Variants in ECT2 observed in about 807,000 individuals in gnomAD.
ECT2 encodes protein ECT2.
In ECT2, 61 loss-of-function variants were observed where a neutral mutation model predicts 116.9. That is an observed-to-expected ratio of 0.52 (90% CI 0.42 to 0.65). The LOEUF (loss-of-function observed/expected upper bound fraction) is 0.65, where lower values mean the gene tolerates loss of function less well. ECT2 is among the 30% of genes least tolerant of loss of function. ECT2 has a pLI of 0.00. For synonymous variants in ECT2, 358 were observed against 346.4 expected, an observed-to-expected ratio of 1.03 and a Z score of -0.37; for missense variants, 937 against 1,078.7, an observed-to-expected ratio of 0.87 and a Z score of 1.84.
intron 12 of ECT2, among the ~76,000 whole-genome samples, chr3:172,768,173 G>A (rs894929635): frequency 2.6e-5 from 4 of 152,100 alleles, no homozygotes; most frequent in African/African-American, 9.7e-5. Flanking sequence ...TTGTGGGGGG[G>A]CTTCTTTTTG....
chr3:172,751,170 T>TGCC (rs1201531383), intron 1 of ECT2: 3 of 152,378 alleles, frequency 2.0e-5, no homozygotes, highest in Admixed American at 6.5e-5. Context: ...CGCAGCCCTG[T>TGCC]GGCTTTGGGG....
intron 18 of ECT2, among the ~76,000 whole-genome samples, chr3:172,788,919 A>G (rs1221557654): frequency 6.6e-6 from 1 of 151,866 alleles, no homozygotes; most frequent in Non-Finnish European, 1.5e-5. Context: ...TTAGCTGGGC[A>G]TGGTTGTGGG....
intron 12 of ECT2, among the ~76,000 whole-genome samples, chr3:172,765,497 C>T (rs909457967): frequency 1.3e-5 from 2 of 152,094 alleles, no homozygotes; most frequent in African/African-American, 4.8e-5. Context: ...ATATCTTAAA[C>T]CTAAGATAAC....
Position 172,755,498 on chromosome 3 carries a change from G to T in ECT2, c.226G>T (p.Glu76Ter). 6.7e-7 allele frequency: 1 copy of T among 1,503,684 alleles called. No individual in the cohort carries two copies. The highest frequency in any genetic ancestry group is 9.0e-7 in the Non-Finnish European group (1 of 1,115,548). The allele number at this position is 1,503,684 out of a possible 1,614,324, so 93.1% of individuals were successfully genotyped here. A position where few individuals can be genotyped will look rare whatever the true frequency, so the allele number is the denominator to read the frequency against. Residue 76 changes from glutamate (E) to a stop codon, truncating the protein, a stop_gained, in exon 4 of 25, where the codon GAA becomes TAA. Coordinates refer to ENST00000392692, the MANE Select transcript of ECT2 (RefSeq NM_001258315.2). LOFTEE classifies it high-confidence loss of function. ...IKALKTIKIM[E>*]VPVIKIKESC... ...TTTTCCACAGACTATTAAAATAATGGAAGTCCCTGTTATAAAGATAAAAGA... is the reference window on the plus strand; with the variant it reads ...TTTTCCACAGACTATTAAAATAATGTAAGTCCCTGTTATAAAGATAAAAGA...
At position 172,754,673 on chromosome 3, in the gene ECT2, C is replaced by T. The variant is rs764030791; in HGVS notation, c.130+13C>T. The T allele has an allele frequency of 1.3e-6, 2 of 1,580,402 alleles. No homozygotes were observed. The highest frequency in any genetic ancestry group is 2.7e-5 in the African/African-American group (2 of 73,162). On this transcript the variant is annotated intron_variant, in intron 2 of 24. Coordinates refer to ENST00000392692, the MANE Select transcript of ECT2 (RefSeq NM_001258315.2). ...TCATATGTAGAAGGTAAACCTGTTACCTGCTTTAAAACAATCAATTTCTAT... is the reference window on the plus strand; with the variant it reads ...TCATATGTAGAAGGTAAACCTGTTATCTGCTTTAAAACAATCAATTTCTAT...
rs1170546699 is a variant in ECT2 at position 172,819,743 on chromosome 3, A to G, written c.2656-405A>G. Among the ~76,000 whole-genome samples, 3 of 152,130 alleles carry G rather than the reference A, an allele frequency of 2.0e-5. No homozygotes were observed. In the East Asian group the frequency reaches 5.8e-4, roughly 29 times the overall value. Reference sequence around the variant, plus strand: ...ACTTAATTTTAGAAAATTATTTCCCATGAAGTGATTTCATTCCTTTTAATT... The same window carrying G: ...ACTTAATTTTAGAAAATTATTTCCCGTGAAGTGATTTCATTCCTTTTAATT... On this transcript the variant is annotated intron_variant, in intron 24 of 24. Transcript: ENST00000392692.
At chr3:172,822,549 G>C (rs766847470), downstream of ECT2, among the ~76,000 whole-genome samples, 2 of 151,836 alleles carry the variant, frequency 1.3e-5, no homozygotes, top group Non-Finnish European at 2.9e-5. Context: ...ACTCAGCCTA[G>C]TTGAAGGTAA....
chr3:172,828,964 A>G, the ECT2 span: 2 of 1,341,228 alleles, frequency 1.5e-6, no homozygotes, highest in Non-Finnish European at 2.1e-6. Context: ...CCTCAGCACC[A>G]ATAAATTGGT....
intron 13 of ECT2, among the ~76,000 whole-genome samples, chr3:172,773,548 TC>T (rs1424863840): frequency 6.6e-6 from 1 of 152,218 alleles, no homozygotes; most frequent in Non-Finnish European, 1.5e-5. Flanking sequence ...ATTAGATATG[TC>T]TGGAGGCAGC....
intron 14 of ECT2, among the ~76,000 whole-genome samples, chr3:172,776,191 G>GTTTTTTTTTT (rs1294531373): frequency 3.0e-4 from 32 of 106,986 alleles, no homozygotes; most frequent in African/African-American, 1.2e-3. Flanking sequence ...TAGTTTTTCA[G>GTTTTTTTTTT]TTTTTTCTTT....
At chr3:172,757,908 A>G (rs1236517176) in intron 5 of ECT2, among the ~76,000 whole-genome samples, 1 of 150,174 alleles carries the variant, frequency 6.7e-6, no homozygotes, top group East Asian at 2.1e-4. Context: ...TTTATTTAAT[A>G]AATAAATACA....
At chr3:172,794,801 G>A (rs140079852) in intron 18 of ECT2, among the ~76,000 whole-genome samples, 1,860 of 152,132 alleles carry the variant, frequency 0.012, 29 homozygotes, top group African/African-American at 0.041. Context: ...TGCAATCTCC[G>A]CCTCCCGGGT....
At chr3:172,761,819 A>G in intron 8 of ECT2, 136 bp downstream of exon 8, 1 of 475,902 alleles carries the variant, frequency 2.1e-6, no homozygotes. Context: ...AATAAAATCT[A>G]GGGAGAACAA....
intron 14 of ECT2, among the ~76,000 whole-genome samples, chr3:172,776,615 TA>T (rs1721787150): frequency 6.6e-6 from 1 of 152,204 alleles, no homozygotes; most frequent in Non-Finnish European, 1.5e-5. Context: ...AGTCATCTAA[TA>T]AATGCTGGAT....
intron 2 of ECT2, 149 bp from the exon 3 acceptor site, chr3:172,755,146 A>G: frequency 1.9e-6 from 1 of 540,170 alleles, no homozygotes; most frequent in Non-Finnish European, 3.2e-6. Flanking sequence ...TTTTGTAATA[A>G]GTTGGGAGTT....
chr3:172,787,711 C>G (rs964504925), intron 18 of ECT2, among the ~76,000 whole-genome samples: 3 of 152,062 alleles, frequency 2.0e-5, no homozygotes, highest in African/African-American at 7.2e-5. Flanking sequence ...TTACCTTGAT[C>G]TTTTCAACAA....
At position 172,816,757 on chromosome 3, in the gene ECT2, C is replaced by T; in HGVS notation, c.2575C>T (p.His859Tyr). 1 of 1,611,076 alleles carries T rather than the reference C, an allele frequency of 6.2e-7. No homozygotes were observed. Among genetic ancestry groups the T allele is most frequent in the Non-Finnish European group, 8.5e-7 (1 of 1,178,010 alleles). ...RALRRALMTS[H>Y]GSVEGRSPSS... ...TCTTCGAAGGGCTCTTATGACATCC[C>T]ACGGCTCAGTGGAGGGAAGAAGTCC... The change falls in exon 24 of 25, where the codon CAC becomes TAC. Residue 859 changes from histidine to tyrosine, a missense_variant. His to Tyr is a moderately conservative substitution (Grantham distance 83, BLOSUM62 2). Transcript: ENST00000392692.
intron 1 of ECT2, among the ~76,000 whole-genome samples, chr3:172,751,809 A>G (rs1715903277): frequency 6.6e-6 from 1 of 152,142 alleles, no homozygotes; most frequent in Non-Finnish European, 1.5e-5. Flanking sequence ...CACTGATCCT[A>G]TTGTGCTTAT....
intron 18 of ECT2, among the ~76,000 whole-genome samples, chr3:172,793,817 G>C (rs1388025759): frequency 6.6e-6 from 1 of 151,996 alleles, no homozygotes; most frequent in African/African-American, 2.4e-5. Flanking sequence ...TGTCTTTCCT[G>C]GTGGTTTTGA....
Sources: gnomAD v4.1 joint callset for allele counts (sites outside exome capture counted in the v4.1 genomes callset) on GRCh38, gnomAD v4.1.1 for gene constraint, MANE v1.5 for transcripts, NCBI Gene and HGNC (gene_info 2026-07-23, HGNC 2026-07-21) for gene names.